The following FAM83D variants were observed in gnomAD, a reference collection of about 807,000 sequenced individuals.
FAM83D encodes scaffolding CK1 anchoring protein D.
In FAM83D, 26 loss-of-function variants were observed where a neutral mutation model predicts 25.4. The ratio of observed to expected loss-of-function variants is 1.02; its 90% CI spans 0.75 to 1.42. The LOEUF (loss-of-function observed/expected upper bound fraction) is 1.42, where lower values mean the gene tolerates loss of function less well. Ranked by LOEUF, FAM83D falls within the 40% of genes most tolerant of loss-of-function variation. FAM83D has a pLI of 0.00. For missense variants in FAM83D, 740 were observed against 758.1 expected (o/e 0.98, Z 0.28); for synonymous variants, 310 against 318.5 (o/e 0.97, Z 0.28).
In FAM83D at chr20:38,936,018, G is replaced by A. The variant is rs541246433; in HGVS notation, c.484-5941G>A. Among the ~76,000 whole-genome samples the A allele has an allele frequency of 1.1e-4, 16 of 152,368 alleles. No homozygotes were observed. In the East Asian group the frequency reaches 2.5e-3, roughly 24 times the overall value. On this transcript the variant is annotated intron_variant, in intron 1 of 3. Coordinates refer to ENST00000619850, the MANE Select transcript of FAM83D (RefSeq NM_030919.3). The stretch of plus-strand genomic sequence containing the variant: ...GAAGTGAAGGGTCAATGGAGGCCAT[G>A]TGGTCAGCTGGGAGAATGCAGCAGC...
intron 1 of FAM83D, among the ~76,000 whole-genome samples, chr20:38,929,632 CCAGGCCATGGTATCATGTGCCTGT>C (rs1381182630): frequency 6.7e-6 from 1 of 148,738 alleles, no homozygotes; most frequent in Non-Finnish European, 1.5e-5. Context: ...AAAAAAAAAG[CCAGGCCATGGTATCATGTGCCTGT>C]AGTCCCAGCT....
At chr20:38,935,002 T>A (rs2085672866) in intron 1 of FAM83D, among the ~76,000 whole-genome samples, 1 of 152,230 alleles carries the variant, frequency 6.6e-6, no homozygotes, top group Non-Finnish European at 1.5e-5. Flanking sequence ...ATATACATAG[T>A]TATATACATA....
chr20:38,936,362 C>T (rs1489301306), intron 1 of FAM83D, among the ~76,000 whole-genome samples: 1 of 152,116 alleles, frequency 6.6e-6, no homozygotes, highest in East Asian at 1.9e-4. Flanking sequence ...GTTTCAAGGA[C>T]ACCGAGACTC....
At chr20:38,927,906 A>T (rs1255872582) in intron 1 of FAM83D, among the ~76,000 whole-genome samples, 1 of 152,146 alleles carries the variant, frequency 6.6e-6, no homozygotes, top group African/African-American at 2.4e-5. Flanking sequence ...TAAAATGCAG[A>T]TACATTTGCA....
intron 1 of FAM83D, among the ~76,000 whole-genome samples, chr20:38,931,132 G>A (rs557966625): frequency 1.2e-4 from 19 of 152,374 alleles, no homozygotes; most frequent in African/African-American, 4.1e-4. Flanking sequence ...AAGGATTGGA[G>A]CTTTGGTAGT....
Position 38,942,032 on chromosome 20 carries a change from A to G in FAM83D, c.557A>G (p.Gln186Arg). The change falls in exon 2 of 4, where the codon CAG (glutamine) becomes CGG (arginine). Residue 186 changes from glutamine (Q) to arginine (R), a missense_variant. Gln to Arg is a conservative substitution (Grantham distance 43). This residue lies in a region of FAM83D where 333 missense variants were observed against 298.6 expected (regional missense o/e 1.12). Transcript: ENST00000619850. Reference protein sequence around the residue: ...FRDLQEICRKQGVAVYILLDQ... With the variant: ...FRDLQEICRKRGVAVYILLDQ... ...GACCTGCAAGAAATATGCAGGAAAC[A>G]GGGAGTTGCTGTGTATATCCTTCTG... 6.2e-7 allele frequency: 1 copy of G among 1,614,246 alleles called. No individual in the cohort carries two copies. The highest frequency in any genetic ancestry group is 1.1e-5 in the South Asian group (1 of 91,084).
chr20:38,944,534 A>AT (rs2085717919), intron 2 of FAM83D, among the ~76,000 whole-genome samples: 1 of 152,186 alleles, frequency 6.6e-6, no homozygotes, highest in Non-Finnish European at 1.5e-5. Context: ...TGGTCAAGTG[A>AT]TTTTCTCTAT....
intron 1 of FAM83D, among the ~76,000 whole-genome samples, chr20:38,936,531 G>A (rs2085680005): frequency 6.6e-6 from 1 of 152,182 alleles, no homozygotes; most frequent in East Asian, 1.9e-4. Context: ...CACTTCATGG[G>A]CTACGCCACT....
At position 38,929,614 on chromosome 20, in the gene FAM83D, T is replaced by TA. The variant is rs769568783; in HGVS notation, c.483+2705dup. On this transcript the variant is annotated intron_variant, in intron 1 of 3. Transcript: ENST00000619850. Reference sequence around the variant, plus strand: ...GGTCCCAAAGACAATCTCTTTTGTTTAAAAAAAAAAAAAAAAGCCAGGCCA... The same window carrying TA: ...GGTCCCAAAGACAATCTCTTTTGTTTAAAAAAAAAAAAAAAAAGCCAGGCCA... Among the ~76,000 whole-genome samples, 1,094 of 134,490 alleles carry TA rather than the reference T, an allele frequency of 8.1e-3. 9 individuals carry two copies. The highest frequency in any genetic ancestry group is 0.022 in the African/African-American group (791 of 36,450). The allele number at this position is 134,490 out of a possible 152,430, so 88.2% of individuals were successfully genotyped here.
rs568959771 is a variant in FAM83D at position 38,932,510 on chromosome 20, A to G, written c.483+5585A>G. ...ACTGTTTTGAACCTTTTGAGAACCCATATGTTTGTTTCCTAAGCAAGTTTT... is the reference window on the plus strand; with the variant it reads ...ACTGTTTTGAACCTTTTGAGAACCCGTATGTTTGTTTCCTAAGCAAGTTTT... On this transcript the variant is annotated intron_variant, in intron 1 of 3. Transcript: ENST00000619850. 7.2e-5 allele frequency among the ~76,000 whole-genome samples: 11 copies of G among 152,364 alleles called. No individual in the cohort carries two copies. The East Asian group carries it at 2.1e-3, about 29-fold the overall frequency.
chr20:38,934,657 G>A (rs2145801593), intron 1 of FAM83D, among the ~76,000 whole-genome samples: 1 of 152,276 alleles, frequency 6.6e-6, no homozygotes, highest in East Asian at 1.9e-4. Flanking sequence ...GTAGACAATA[G>A]GCCATGCGTT....
intron 1 of FAM83D, among the ~76,000 whole-genome samples, chr20:38,935,252 C>T (rs2145801932): frequency 1.3e-5 from 2 of 152,210 alleles, no homozygotes; most frequent in Middle Eastern, 3.4e-3. Flanking sequence ...GCCCTCCTCC[C>T]CCTACCCCCT....
intron 2 of FAM83D, among the ~76,000 whole-genome samples, chr20:38,943,200 T>G (rs1041449590): frequency 6.6e-6 from 1 of 152,122 alleles, no homozygotes; most frequent in African/African-American, 2.4e-5. Flanking sequence ...AATTTTTGTA[T>G]TTTTAGTACA....
chr20:38,927,991 A>G (rs2085643665), intron 1 of FAM83D, among the ~76,000 whole-genome samples: 1 of 152,152 alleles, frequency 6.6e-6, no homozygotes, highest in South Asian at 2.1e-4. Flanking sequence ...TCATGGGTGC[A>G]ATGGAGGTCT....
intron 1 of FAM83D, among the ~76,000 whole-genome samples, chr20:38,941,395 T>C (rs1284933447): frequency 2.0e-5 from 3 of 152,180 alleles, no homozygotes; most frequent in Non-Finnish European, 4.4e-5. Flanking sequence ...TGGTGGTGAA[T>C]GGGACAGGCC....
Position 38,952,530 on chromosome 20 carries a change from G to C in FAM83D, c.*10G>C. 1.9e-6 allele frequency: 3 copies of C among 1,604,100 alleles called. No homozygotes were observed. The highest frequency in any genetic ancestry group is 2.6e-6 in the Non-Finnish European group (3 of 1,173,576). ...TCCTTCCTATCAGTAACTGCTCCGT[G>C]TTCAGACTCCTGGTTTCTTCCAGGC... On this transcript the variant is annotated 3_prime_UTR_variant, in exon 4 of 4. Coordinates refer to ENST00000619850, the MANE Select transcript of FAM83D (RefSeq NM_030919.3).
chr20:38,945,010 A>G (rs991872012), intron 2 of FAM83D, among the ~76,000 whole-genome samples: 5 of 151,334 alleles, frequency 3.3e-5, no homozygotes, highest in African/African-American at 1.2e-4. Context: ...CTGGGGAAGC[A>G]CTGTCTTCCC....
At chr20:38,940,526 T>G (rs750793011) in intron 1 of FAM83D, among the ~76,000 whole-genome samples, 2 of 152,136 alleles carry the variant, frequency 1.3e-5, no homozygotes, top group African/African-American at 4.8e-5. Context: ...ATCCTAACTT[T>G]CAGAAAAAGA....
intron 3 of FAM83D, among the ~76,000 whole-genome samples, chr20:38,950,123 A>G (rs1193835134): frequency 6.6e-6 from 1 of 152,084 alleles, no homozygotes; most frequent in African/African-American, 2.4e-5. Context: ...GCCCAGCCAG[A>G]TCCTGGCTTT....
Sources: gnomAD v4.1 joint callset for allele counts (sites outside exome capture counted in the v4.1 genomes callset) on GRCh38, gnomAD v4.1.1 for gene constraint, gnomAD v4.1.1 regional missense constraint, MANE v1.5 for transcripts, NCBI Gene and HGNC (gene_info 2026-07-23, HGNC 2026-07-21) for gene names.